Variants in PIGU observed in about 807,000 individuals in gnomAD.
PIGU encodes the protein GPI-anchor transamidase component PIGU.
PIGU carries 24 observed loss-of-function variants against 49.9 expected under a neutral mutation model. That is an observed-to-expected ratio of 0.48 (90% confidence interval 0.35 to 0.68). The LOEUF is 0.68. Among genes scored for constraint, PIGU ranks in the 30% least tolerant of loss-of-function variants. PIGU has a pLI of 0.01. For missense variants in PIGU, 490 were observed against 532.6 expected, an observed-to-expected ratio of 0.92 and a Z score of 0.79; for synonymous variants, 220 against 205.7, an observed-to-expected ratio of 1.07 and a Z score of -0.59.
intron 6 of PIGU, among the ~76,000 whole-genome samples, chr20:34,630,639 T>C (rs1985672429): frequency 6.6e-6 from 1 of 152,128 alleles, no homozygotes; most frequent in African/African-American, 2.4e-5. Flanking sequence ...TAGTGCTTCA[T>C]TTAAAATTTT....
At chr20:34,627,533 A>C (rs535522228) in intron 6 of PIGU, among the ~76,000 whole-genome samples, 2 of 152,266 alleles carry the variant, frequency 1.3e-5, no homozygotes, top group African/African-American at 4.8e-5. Context: ...TCTTCCCCAA[A>C]CAAAAACCTT....
chr20:34,641,435 C>A (rs1986159200), intron 4 of PIGU, among the ~76,000 whole-genome samples: 1 of 152,128 alleles, frequency 6.6e-6, no homozygotes. Context: ...ATCAAACCAC[C>A]TGCAGCTCTC....
chr20:34,643,310 C>G (rs1986228945), intron 4 of PIGU, among the ~76,000 whole-genome samples: 1 of 152,176 alleles, frequency 6.6e-6, no homozygotes, highest in Non-Finnish European at 1.5e-5. Context: ...GTTAAGAACC[C>G]TCAGTCTAGA....
intron 7 of PIGU, among the ~76,000 whole-genome samples, chr20:34,597,771 G>A (rs147953309): frequency 8.7e-4 from 133 of 152,290 alleles, no homozygotes; most frequent in African/African-American, 3.0e-3. Context: ...GTAGGTTATA[G>A]GTATATGAGT....
At chr20:34,610,055 C>T (rs544060746) in intron 7 of PIGU, among the ~76,000 whole-genome samples, 15 of 152,100 alleles carry the variant, frequency 9.9e-5, no homozygotes, top group Non-Finnish European at 1.6e-4. Flanking sequence ...AACTGTGAGT[C>T]AATTAAACCT....
At chr20:34,589,415 A>G (rs1983855791) in intron 7 of PIGU, among the ~76,000 whole-genome samples, 1 of 152,208 alleles carries the variant, frequency 6.6e-6, no homozygotes. Flanking sequence ...GTGCAGTGGC[A>G]CGATCTCGGC....
chr20:34,619,216 A>C (rs949338579), intron 6 of PIGU, among the ~76,000 whole-genome samples: 1 of 152,186 alleles, frequency 6.6e-6, no homozygotes, highest in Non-Finnish European at 1.5e-5. Flanking sequence ...GGGTACTCAT[A>C]AATATGACTG....
At chr20:34,639,870 A>C (rs1986093938) in intron 4 of PIGU, among the ~76,000 whole-genome samples, 1 of 152,158 alleles carries the variant, frequency 6.6e-6, no homozygotes, top group African/African-American at 2.4e-5. Context: ...AAAGGACAAA[A>C]TATAAACCAA....
intron 7 of PIGU, among the ~76,000 whole-genome samples, chr20:34,589,265 C>T (rs1239164078): frequency 6.6e-6 from 1 of 152,076 alleles, no homozygotes; most frequent in East Asian, 1.9e-4. Context: ...TTCATATAAC[C>T]TGGCATTCAT....
chr20:34,577,099 C>A (rs116598706), intron 10 of PIGU, among the ~76,000 whole-genome samples: 1 of 152,124 alleles, frequency 6.6e-6, no homozygotes, highest in Non-Finnish European at 1.5e-5. Context: ...TTGTCTGTTA[C>A]TTTTCTTTAT....
chr20:34,673,477 G>A (rs1051735081), intron 1 of PIGU, among the ~76,000 whole-genome samples: 4 of 152,136 alleles, frequency 2.6e-5, no homozygotes, highest in Non-Finnish European at 5.9e-5. Context: ...ATGATGGGTG[G>A]TTAACAAATC....
In PIGU at chr20:34,566,155, G is replaced by A. The variant is rs1306540723; in HGVS notation, c.1195-5176C>T. On this transcript the variant is annotated intron_variant, in intron 11 of 11. Coordinates refer to ENST00000217446, the MANE Select transcript of PIGU (RefSeq NM_080476.5). ...TCCCTGGCTCCCCCTGCCCTGCCCA[G>A]CAGCGCTGCAGCTCCCACCTATCCC... 2.0e-5 allele frequency among the ~76,000 whole-genome samples: 3 copies of A among 152,166 alleles called. No homozygotes were observed. In the East Asian group the frequency reaches 5.8e-4, roughly 29 times the overall value.
At chr20:34,609,366 GT>G (rs1020519085) in intron 7 of PIGU, among the ~76,000 whole-genome samples, 4 of 147,326 alleles carry the variant, frequency 2.7e-5, no homozygotes, top group African/African-American at 2.5e-5. Context: ...CACCTTTTTT[GT>G]TTTTTTTTTG....
chr20:34,581,174 C>T (rs780600298), intron 10 of PIGU, among the ~76,000 whole-genome samples: 52 of 152,238 alleles, frequency 3.4e-4, no homozygotes, highest in South Asian at 6.2e-4. Context: ...ATTCCAATCC[C>T]GGCTCTTCTA....
intron 7 of PIGU, among the ~76,000 whole-genome samples, chr20:34,612,664 C>G (rs1234771724): frequency 6.7e-6 from 1 of 149,936 alleles, no homozygotes; most frequent in East Asian, 1.9e-4. Context: ...CACTTCATCA[C>G]CCAGGCTGGA....
At chr20:34,667,025 A>T (rs531218744) in intron 1 of PIGU, among the ~76,000 whole-genome samples, 1 of 151,888 alleles carries the variant, frequency 6.6e-6, no homozygotes, top group African/African-American at 2.4e-5. Context: ...TATTTTTTGT[A>T]GAGATGGGGT....
intron 1 of PIGU, among the ~76,000 whole-genome samples, chr20:34,668,311 A>T (rs1479010488): frequency 6.6e-6 from 1 of 151,844 alleles, no homozygotes. Flanking sequence ...AAAAATACAA[A>T]GATTAGCTGG....
intron 1 of PIGU, among the ~76,000 whole-genome samples, chr20:34,662,934 T>C (rs1051476968): frequency 6.6e-6 from 1 of 152,088 alleles, no homozygotes; most frequent in African/African-American, 2.4e-5. Flanking sequence ...GGAGACAGGG[T>C]CTCGCTCTGT....
At chr20:34,673,564 A>G (rs1197109268) in intron 1 of PIGU, among the ~76,000 whole-genome samples, 1 of 152,212 alleles carries the variant, frequency 6.6e-6, no homozygotes, top group Admixed American at 6.5e-5. Flanking sequence ...CACATTATAC[A>G]CACATGAAAC....
Sources: gnomAD v4.1 joint callset for allele counts (sites outside exome capture counted in the v4.1 genomes callset) on GRCh38, gnomAD v4.1.1 for gene constraint, MANE v1.5 for transcripts, NCBI Gene and HGNC (gene_info 2026-07-23, HGNC 2026-07-21) for gene names.